NEGR1: variants seen among roughly 807,000 people sequenced by gnomAD.
The protein encoded by NEGR1 is IgLON family member 4.
A neutral mutation model predicts 40.9 loss-of-function variants in NEGR1; 10 were observed. That is an observed-to-expected ratio of 0.24 (90% CI 0.15 to 0.42). The LOEUF (loss-of-function observed/expected upper bound fraction) is 0.42, where lower values mean the gene tolerates loss of function less well. Ranked by LOEUF, NEGR1 falls within the 10% of genes least tolerant of loss-of-function variation. NEGR1 has a pLI of 1.00. For synonymous variants in NEGR1, 185 were observed against 166.8 expected (o/e 1.11, Z -0.84); for missense variants, 352 against 438.9 (o/e 0.80, Z 1.77).
intron 2 of NEGR1, among the ~76,000 whole-genome samples, chr1:71,845,731 CTAT>C (rs1659383845): frequency 2.0e-5 from 3 of 151,350 alleles, no homozygotes; most frequent in East Asian, 1.9e-4. Context: ...ATCTATCTAT[CTAT>C]CTACCTACCT....
chr1:72,154,940 A>T (rs553352551), intron 1 of NEGR1, among the ~76,000 whole-genome samples: 4 of 152,130 alleles, frequency 2.6e-5, no homozygotes, highest in African/African-American at 9.6e-5. Flanking sequence ...TAGTAAATAT[A>T]AATTACAATA....
At chr1:72,217,950 T>C (rs1653879730) in intron 1 of NEGR1, among the ~76,000 whole-genome samples, 1 of 151,848 alleles carries the variant, frequency 6.6e-6, no homozygotes, top group South Asian at 2.1e-4. Context: ...TAATATGTAG[T>C]TGGGCATGTT....
At position 71,434,907 on chromosome 1, in the gene NEGR1, C is replaced by T. The variant is rs190751487; in HGVS notation, c.941-27337G>A. On this transcript the variant is annotated intron_variant, in intron 6 of 6. Transcript: ENST00000357731. The stretch of plus-strand genomic sequence containing the variant: ...GAGATCAAGACCATCCTGGCTAAAA[C>T]GGTGAAACCCCGTCTCTACTAAAAA... 5.1e-4 allele frequency among the ~76,000 whole-genome samples: 77 copies of T among 152,208 alleles called. No homozygotes were observed. The East Asian group carries it at 0.012, about 23-fold the overall frequency.
chr1:71,993,835 A>C (rs972673297), intron 1 of NEGR1, among the ~76,000 whole-genome samples: 1 of 152,258 alleles, frequency 6.6e-6, no homozygotes, highest in Admixed American at 6.5e-5. Flanking sequence ...CTCCAATGTG[A>C]TCATCTTAAC....
rs1653611156 is a variant in NEGR1, at chr1:71,699,572, A to T, written c.536-1433T>A. 2.0e-5 allele frequency among the ~76,000 whole-genome samples: 3 copies of T among 151,918 alleles called. No individual in the cohort carries two copies. In the South Asian group the frequency reaches 6.2e-4, roughly 31 times the overall value. On this transcript the variant is annotated intron_variant, in intron 3 of 6. Coordinates refer to ENST00000357731, the MANE Select transcript of NEGR1 (RefSeq NM_173808.3). ...ATATATTAAAAAAACAAAACACTTC[A>T]CTTCCAAGAATTTTTAAAATATAAC...
chr1:71,922,661 A>G (rs927509594), intron 2 of NEGR1, among the ~76,000 whole-genome samples: 1 of 152,204 alleles, frequency 6.6e-6, no homozygotes, highest in African/African-American at 2.4e-5. Flanking sequence ...ATTGCATCCT[A>G]ATTCAAAAGG....
chr1:72,255,288 A>G (rs1655229822), intron 1 of NEGR1, among the ~76,000 whole-genome samples: 2 of 152,218 alleles, frequency 1.3e-5, no homozygotes, highest in Admixed American at 1.3e-4. Flanking sequence ...TAGTTGAAAT[A>G]AAAATAATAA....
intron 4 of NEGR1, among the ~76,000 whole-genome samples, chr1:71,640,966 A>C (rs1029291583): frequency 1.3e-5 from 2 of 152,086 alleles, no homozygotes; most frequent in Non-Finnish European, 2.9e-5. Flanking sequence ...TAATTAACCA[A>C]AACTTCTGAA....
chr1:71,866,183 T>C (rs1359266814), intron 2 of NEGR1, among the ~76,000 whole-genome samples: 1 of 152,024 alleles, frequency 6.6e-6, no homozygotes, highest in African/African-American at 2.4e-5. Context: ...AACTCTTTCT[T>C]GGGTTACAAA....
At chr1:71,970,117 G>A (rs898654328) in intron 1 of NEGR1, among the ~76,000 whole-genome samples, 2 of 152,098 alleles carry the variant, frequency 1.3e-5, no homozygotes, top group Non-Finnish European at 2.9e-5. Flanking sequence ...TAGCAGAAGT[G>A]GCAAGGTGAG....
At chr1:72,184,741 A>T (rs1454966100) in intron 1 of NEGR1, among the ~76,000 whole-genome samples, 1 of 152,040 alleles carries the variant, frequency 6.6e-6, no homozygotes, top group African/African-American at 2.4e-5. Flanking sequence ...CTACCTACTG[A>T]ATCCAAGTTC....
intron 6 of NEGR1, among the ~76,000 whole-genome samples, chr1:71,524,173 C>A (rs1018822575): frequency 6.6e-6 from 1 of 151,648 alleles, no homozygotes; most frequent in Non-Finnish European, 1.5e-5. Context: ...ATTTATTAGA[C>A]CGAAAGTCAT....
At chr1:71,509,002 C>G (rs1310932340) in intron 6 of NEGR1, among the ~76,000 whole-genome samples, 3 of 152,136 alleles carry the variant, frequency 2.0e-5, no homozygotes, top group African/African-American at 7.2e-5. Flanking sequence ...ATTCCAACCC[C>G]AAACCCTAAT....
chr1:71,549,277 C>T (rs546071720), intron 6 of NEGR1, among the ~76,000 whole-genome samples: 10 of 151,834 alleles, frequency 6.6e-5, no homozygotes, highest in South Asian at 2.1e-4. Flanking sequence ...CCATGCTACA[C>T]GCATATTTGT....
At chr1:71,577,742 A>T (rs187450716) in intron 6 of NEGR1, among the ~76,000 whole-genome samples, 51 of 152,302 alleles carry the variant, frequency 3.3e-4, no homozygotes, top group African/African-American at 1.1e-3. Flanking sequence ...GTAAACAATG[A>T]CAATAACAAC....
chr1:71,694,261 G>A (rs1653397841), intron 4 of NEGR1, among the ~76,000 whole-genome samples: 1 of 151,482 alleles, frequency 6.6e-6, no homozygotes, highest in African/African-American at 2.4e-5. Context: ...GTGTGTGTGT[G>A]TGTTTGTGTG....
intron 4 of NEGR1, among the ~76,000 whole-genome samples, chr1:71,617,308 A>G: frequency 6.6e-6 from 1 of 152,230 alleles, no homozygotes; most frequent in East Asian, 1.9e-4. Context: ...TAGATGAAAT[A>G]GCAGAGGATA....
At chr1:71,941,174 C>A (rs1048087908) in intron 1 of NEGR1, among the ~76,000 whole-genome samples, 7 of 152,074 alleles carry the variant, frequency 4.6e-5, no homozygotes, top group Non-Finnish European at 8.8e-5. Context: ...GGAGAACTTT[C>A]AAAAGCATAT....
intron 1 of NEGR1, among the ~76,000 whole-genome samples, chr1:72,174,260 G>T (rs898665904): frequency 6.6e-6 from 1 of 152,046 alleles, no homozygotes; most frequent in Non-Finnish European, 1.5e-5. Flanking sequence ...CCCTATACAT[G>T]CACAGTCTCT....
Sources: allele counts gnomAD v4.1 joint callset (sites outside exome capture counted in the v4.1 genomes callset), GRCh38; gene constraint gnomAD v4.1.1; transcripts MANE v1.5; gene names NCBI Gene and HGNC (gene_info 2026-07-23, HGNC 2026-07-21).